LRRC2: variants seen among roughly 807,000 people sequenced by gnomAD.
LRRC2 encodes leucine-rich repeat-containing protein 2.
A neutral mutation model predicts 40.2 loss-of-function variants in LRRC2; 27 were observed. The observed-to-expected ratio is 0.67, with a 90% CI of 0.49 to 0.93. The LOEUF (loss-of-function observed/expected upper bound fraction) is 0.93, where lower values mean the gene tolerates loss of function less well. Among genes scored for constraint, LRRC2 ranks in the 40% least tolerant of loss-of-function variants. LRRC2 has a pLI of 0.00. For missense variants in LRRC2, 402 were observed against 439.6 expected (o/e 0.91, Z 0.76); for synonymous variants, 147 against 158.9 (o/e 0.92, Z 0.56).
intron 2 of LRRC2, among the ~76,000 whole-genome samples, chr3:46,550,422 C>T (rs1347348409): frequency 4.2e-5 from 5 of 119,796 alleles, no homozygotes; most frequent in Admixed American, 1.2e-4. Flanking sequence ...CTCGCTCTGT[C>T]GCCCAGGCTG....
At chr3:46,564,589 T>C (rs1705018479) in intron 1 of LRRC2, among the ~76,000 whole-genome samples, 1 of 151,342 alleles carries the variant, frequency 6.6e-6, no homozygotes, top group Non-Finnish European at 1.5e-5. Flanking sequence ...ACTCACCTCA[T>C]CATGCAGGTG....
At chr3:46,544,917 C>G (rs988202837) in intron 3 of LRRC2, 129 bp downstream of exon 3, 1 of 897,766 alleles carries the variant, frequency 1.1e-6, no homozygotes, top group Non-Finnish European at 1.8e-6. Flanking sequence ...GACTGCGCTG[C>G]GTTTCACTGA....
chr3:46,538,383 C>A (rs1165209734), intron 4 of LRRC2, among the ~76,000 whole-genome samples: 1 of 152,070 alleles, frequency 6.6e-6, no homozygotes, highest in Non-Finnish European at 1.5e-5. Flanking sequence ...GCCTGTAATC[C>A]CAGCACTTTG....
At chr3:46,530,746 A>T (rs1335293622) in intron 5 of LRRC2, among the ~76,000 whole-genome samples, 1 of 152,164 alleles carries the variant, frequency 6.6e-6, no homozygotes, top group Non-Finnish European at 1.5e-5. Context: ...ATCTCATGAG[A>T]TTTATTCTCA....
At chr3:46,536,040 G>A (rs1230030816) in intron 4 of LRRC2, among the ~76,000 whole-genome samples, 7 of 152,168 alleles carry the variant, frequency 4.6e-5, no homozygotes, top group Non-Finnish European at 1.0e-4. Flanking sequence ...CCGCCTTCAT[G>A]GTGTGATCGG....
chr3:46,544,773 A>T (rs1183793434), intron 3 of LRRC2, among the ~76,000 whole-genome samples: 5 of 152,180 alleles, frequency 3.3e-5, no homozygotes, highest in Admixed American at 3.3e-4. Flanking sequence ...AAAGACAAAG[A>T]ATTATGTTAA....
intron 8 of LRRC2, among the ~76,000 whole-genome samples, chr3:46,519,518 C>T (rs900606006): frequency 7.2e-5 from 11 of 152,178 alleles, no homozygotes; most frequent in Non-Finnish European, 1.2e-4. Flanking sequence ...TGGCTCTTCC[C>T]ACTAGTTGCT....
intron 1 of LRRC2, among the ~76,000 whole-genome samples, chr3:46,561,447 G>A (rs1242000134): frequency 6.6e-6 from 1 of 152,180 alleles, no homozygotes; most frequent in African/African-American, 2.4e-5. Context: ...CAGCTACTAA[G>A]GAGGTTGATG....
intron 1 of LRRC2, among the ~76,000 whole-genome samples, chr3:46,562,162 ACT>A (rs1430676419): frequency 2.0e-5 from 3 of 152,020 alleles, no homozygotes; most frequent in Non-Finnish European, 2.9e-5. Context: ...CTAGGTCTTC[ACT>A]CTCTGTCAGA....
intron 5 of LRRC2, 136 bp from the exon 6 acceptor site, chr3:46,530,186 ATT>A: frequency 2.9e-6 from 2 of 695,256 alleles, no homozygotes; most frequent in Non-Finnish European, 4.9e-6. Context: ...TACAGTATGT[ATT>A]TTGAAGCACC....
chr3:46,554,680 T>C (rs1008473502), intron 1 of LRRC2, among the ~76,000 whole-genome samples: 1 of 151,772 alleles, frequency 6.6e-6, no homozygotes, highest in Non-Finnish European at 1.5e-5. Context: ...TTGTTTTACC[T>C]AAAGGAGATT....
At chr3:46,565,640 T>A (rs1211969763) in intron 1 of LRRC2, among the ~76,000 whole-genome samples, 1 of 152,112 alleles carries the variant, frequency 6.6e-6, no homozygotes, top group Non-Finnish European at 1.5e-5. Context: ...GCAGAGCCGC[T>A]AACAAGCCAG....
chr3:46,534,650 T>C (rs1704239866), intron 4 of LRRC2, among the ~76,000 whole-genome samples: 3 of 152,166 alleles, frequency 2.0e-5, no homozygotes, highest in South Asian at 4.1e-4. Context: ...TGATAATTTC[T>C]TGGGAATTTC....
intron 2 of LRRC2, among the ~76,000 whole-genome samples, chr3:46,550,300 G>C (rs1164959827): frequency 6.7e-6 from 1 of 149,734 alleles, no homozygotes; most frequent in African/African-American, 2.5e-5. Flanking sequence ...AGCATGATCA[G>C]AATAGGTATT....
intron 1 of LRRC2, among the ~76,000 whole-genome samples, 151 bp downstream of exon 1, chr3:46,566,024 CCT>C (rs1047557391): frequency 5.3e-5 from 8 of 152,250 alleles, no homozygotes; most frequent in Admixed American, 1.3e-4. Context: ...GACGTTTACC[CCT>C]GTCGCTCCGG....
At chr3:46,547,706 ATGTGTG>A (rs61273277) in intron 2 of LRRC2, among the ~76,000 whole-genome samples, 8,478 of 149,696 alleles carry the variant, frequency 0.057, 819 homozygotes, top group African/African-American at 0.19. Context: ...GTGTGTGTGT[ATGTGTG>A]TGTGTGTGTG....
intron 1 of LRRC2, among the ~76,000 whole-genome samples, chr3:46,552,411 G>A (rs1393427498): frequency 1.3e-5 from 2 of 151,308 alleles, no homozygotes; most frequent in South Asian, 2.1e-4. Flanking sequence ...CATAGGCGGT[G>A]TTATAATTGC....
chr3:46,521,934 A>G (rs1703970957), intron 7 of LRRC2, among the ~76,000 whole-genome samples: 1 of 152,216 alleles, frequency 6.6e-6, no homozygotes, highest in South Asian at 2.1e-4. Flanking sequence ...TGGAGTGGAC[A>G]CTAACACCTC....
chr3:46,543,656 T>TAATAATAAA lies in LRRC2; in HGVS notation c.333+1389_333+1390insTTTATTATT, dbSNP rs1559415727. On this transcript the variant is annotated intron_variant, in intron 3 of 8. Transcript: ENST00000395905. ...TAATAATAATAATAATAATAAATAA[T>TAATAATAAA]AAATACCCTTTACAATGATTTTCAA... Among the ~76,000 whole-genome samples the TAATAATAAA allele has an allele frequency of 1.7e-4, 17 of 102,364 alleles. 1 individual carries two copies. In the South Asian group the frequency reaches 5.5e-3, roughly 33 times the overall value. 67.2% of individuals were successfully genotyped at this position (102,364 alleles called of 152,430 possible).
Sources: gnomAD v4.1 joint callset for allele counts (sites outside exome capture counted in the v4.1 genomes callset) on GRCh38, gnomAD v4.1.1 for gene constraint, MANE v1.5 for transcripts, NCBI Gene and HGNC (gene_info 2026-07-23, HGNC 2026-07-21) for gene names.